Variants in ATF7 observed in about 807,000 individuals in gnomAD.
ATF7 encodes cyclic AMP-dependent transcription factor ATF-7.
Under a neutral mutation model 50.4 loss-of-function variants are expected in ATF7, and 10 were observed. The ratio of observed to expected loss-of-function variants is 0.20; its 90% CI spans 0.12 to 0.34. ATF7 has a LOEUF of 0.34. Ranked by LOEUF, ATF7 falls within the 10% of genes least tolerant of loss-of-function variation. The probability of loss-of-function intolerance (pLI) is 1.00; values close to 1 mark genes in which losing one functional copy is unlikely to be tolerated. For synonymous variants in ATF7, 201 were observed against 226.4 expected (o/e 0.89, Z 1.01); for missense variants, 465 against 613.9 (o/e 0.76, Z 2.56).
chr12:53,585,538 A>G (rs941438937), intron 2 of ATF7, among the ~76,000 whole-genome samples: 3 of 152,310 alleles, frequency 2.0e-5, no homozygotes, highest in Admixed American at 2.0e-4. Context: ...AAAAAAAGCA[A>G]AGGAAGAGCA....
intron 2 of ATF7, among the ~76,000 whole-genome samples, chr12:53,599,627 G>A (rs1943303895): frequency 6.6e-6 from 1 of 151,966 alleles, no homozygotes; most frequent in Admixed American, 6.6e-5. Context: ...CTGGAATTTG[G>A]AATCTTCCTT....
rs112079281 is a variant in ATF7, at chr12:53,523,082, A to C, written c.1234+194T>G. 2.8e-4 allele frequency: 148 copies of C among 524,140 alleles called. 5 individuals carry two copies. Among genetic ancestry groups the C allele is most frequent in the African/African-American group, 2.4e-3 (126 of 52,404 alleles). 32.5% of individuals were successfully genotyped at this position (524,140 alleles called of 1,614,324 possible). A position where few individuals can be genotyped will look rare whatever the true frequency, so the allele number is the denominator to read the frequency against. The stretch of plus-strand genomic sequence containing the variant: ...TTGCTACCCTTCAACCCCCAACTAT[A>C]ACAGATAATTAGCTCTATATCGTCT... On this transcript the variant is annotated intron_variant, in intron 11 of 11. Coordinates refer to ENST00000420353, the MANE Select transcript of ATF7 (RefSeq NM_006856.3).
chr12:53,589,756 C>A (rs144967384), intron 2 of ATF7, among the ~76,000 whole-genome samples: 604 of 152,242 alleles, frequency 4.0e-3, no homozygotes, highest in South Asian at 0.02. Flanking sequence ...CAGACAGGAA[C>A]CATGAGTCCT....
chr12:53,532,001 T>A (rs1020963451), intron 8 of ATF7, 105 bp from the exon 9 acceptor site: 2 of 1,280,080 alleles, frequency 1.6e-6, no homozygotes, highest in Non-Finnish European at 2.1e-6. Context: ...AGCTAAAATT[T>A]CCACTCTAGT....
intron 9 of ATF7, among the ~76,000 whole-genome samples, chr12:53,529,710 T>TACACACACAC (rs796404325): frequency 0.099 from 13,084 of 131,906 alleles, 819 homozygotes; most frequent in Middle Eastern, 0.17. Context: ...TATATACACA[T>TACACACACAC]ACACACACAC....
intron 2 of ATF7, among the ~76,000 whole-genome samples, chr12:53,577,473 T>G (rs1430379883): frequency 1.3e-5 from 2 of 151,740 alleles, no homozygotes; most frequent in African/African-American, 4.8e-5. Context: ...TCCCAGCACT[T>G]TGGGAGGCCG....
intron 9 of ATF7, among the ~76,000 whole-genome samples, chr12:53,527,241 T>C (rs1938535782): frequency 6.6e-6 from 1 of 152,152 alleles, no homozygotes; most frequent in African/African-American, 2.4e-5. Flanking sequence ...CCCAGCACTT[T>C]GGGAGGCCGA....
intron 2 of ATF7, among the ~76,000 whole-genome samples, chr12:53,581,821 AAAT>A (rs1409249166): frequency 6.6e-6 from 1 of 151,786 alleles, no homozygotes; most frequent in Non-Finnish European, 1.5e-5. Flanking sequence ...AGAAGAAAAG[AAAT>A]AATAAAAATT....
chr12:53,587,908 A>G (rs1421619171), intron 2 of ATF7, among the ~76,000 whole-genome samples: 10 of 143,654 alleles, frequency 7.0e-5, no homozygotes, highest in Admixed American at 5.1e-4. Context: ...GTGCAATGGC[A>G]CGATCTAAGC....
At chr12:53,613,441 T>TATC (rs1943982526) in intron 1 of ATF7, among the ~76,000 whole-genome samples, 1 of 152,206 alleles carries the variant, frequency 6.6e-6, no homozygotes, top group South Asian at 2.1e-4. Flanking sequence ...TTTAAAAACT[T>TATC]ATCTCATAAT....
chr12:53,578,971 G>A (rs1467761254), intron 2 of ATF7, among the ~76,000 whole-genome samples: 2 of 152,030 alleles, frequency 1.3e-5, no homozygotes, highest in Non-Finnish European at 2.9e-5. Context: ...GTGGATGCCA[G>A]ATGTGGTGCC....
chr12:53,546,040 A>T (rs898533959), intron 3 of ATF7, among the ~76,000 whole-genome samples: 1 of 152,086 alleles, frequency 6.6e-6, no homozygotes, highest in Non-Finnish European at 1.5e-5. Flanking sequence ...TAAAAATACA[A>T]AATTAGCCAG....
At chr12:53,528,434 C>A (rs1938621194) in intron 9 of ATF7, among the ~76,000 whole-genome samples, 1 of 151,958 alleles carries the variant, frequency 6.6e-6, no homozygotes, top group African/African-American at 2.4e-5. Flanking sequence ...TTGAGACCAG[C>A]CTGGGCAACA....
At chr12:53,576,443 T>G (rs1383617408) in intron 2 of ATF7, among the ~76,000 whole-genome samples, 1 of 152,192 alleles carries the variant, frequency 6.6e-6, no homozygotes, top group East Asian at 1.9e-4. Context: ...AGGATGTGGT[T>G]AAGTCATGAG....
At chr12:53,517,468 C>T in intron 11 of ATF7, 114 bp from the exon 12 acceptor site, 1 of 1,070,778 alleles carries the variant, frequency 9.3e-7, no homozygotes, top group Non-Finnish European at 1.3e-6. Context: ...GAAATGAAAC[C>T]CATCTTTTTT....
At chr12:53,508,714 A>C (rs948947041), downstream of ATF7, among the ~76,000 whole-genome samples, 3 of 152,202 alleles carry the variant, frequency 2.0e-5, no homozygotes, top group Non-Finnish European at 2.9e-5. Context: ...CACTCTCCAC[A>C]GCTGAAGCAC....
intron 1 of ATF7, among the ~76,000 whole-genome samples, chr12:53,622,098 C>T: frequency 6.6e-6 from 1 of 151,492 alleles, no homozygotes; most frequent in Non-Finnish European, 1.5e-5. Flanking sequence ...GTCAAGAGTT[C>T]AAGACCAGCC....
chr12:53,542,300 G>A (rs1475089284), intron 4 of ATF7, among the ~76,000 whole-genome samples: 2 of 151,644 alleles, frequency 1.3e-5, no homozygotes, highest in Non-Finnish European at 2.9e-5. Context: ...GGTGGTGGGC[G>A]CCTGTAGTTC....
intron 2 of ATF7, among the ~76,000 whole-genome samples, chr12:53,564,707 C>T (rs2137582650): frequency 6.6e-6 from 1 of 152,328 alleles, no homozygotes; most frequent in South Asian, 2.1e-4. Flanking sequence ...AACCCATAGT[C>T]AACACTGAGT....
Sources: allele counts gnomAD v4.1 joint callset (sites outside exome capture counted in the v4.1 genomes callset), GRCh38; gene constraint gnomAD v4.1.1; transcripts MANE v1.5; gene names NCBI Gene and HGNC (gene_info 2026-07-23, HGNC 2026-07-21).